SLC12A2: variants seen among roughly 807,000 people sequenced by gnomAD.
SLC12A2 encodes the protein solute carrier family 12 member 2.
A neutral mutation model predicts 136.3 loss-of-function variants in SLC12A2; 67 were observed. The observed-to-expected ratio is 0.49, with a 90% confidence interval of 0.40 to 0.60. The LOEUF is 0.60. Ranked by LOEUF, SLC12A2 falls within the 20% of genes least tolerant of loss-of-function variation. SLC12A2 has a pLI of 0.00. For synonymous variants in SLC12A2, 619 were observed against 562.9 expected (o/e 1.10, Z -1.41); for missense variants, 1,322 against 1,534.7 (o/e 0.86, Z 2.32).
intron 20 of SLC12A2, among the ~76,000 whole-genome samples, chr5:128,175,584 T>C (rs1387170189): frequency 6.6e-6 from 1 of 151,948 alleles, no homozygotes; most frequent in African/African-American, 2.4e-5. Context: ...TGAAGTTTAA[T>C]GGGAGGGTAA....
At chr5:128,109,383 G>T in intron 1 of SLC12A2, 1 of 318,814 alleles carries the variant, frequency 3.1e-6, no homozygotes, top group Non-Finnish European at 6.1e-6. Flanking sequence ...CTTTGGAGTC[G>T]CTGTGATTGG....
At position 128,174,543 on chromosome 5, in the gene SLC12A2, G is replaced by T. The variant is rs1220816445; in HGVS notation, c.2806G>T (p.Glu936Ter). Residue 936 changes from glutamate (E) to a stop codon, truncating the protein, a stop_gained and splice_region_variant, in exon 20 of 27, where the codon GAA (glutamate) becomes TAA (stop). Coordinates refer to ENST00000262461, the MANE Select transcript of SLC12A2 (RefSeq NM_001046.3). LOFTEE classifies it high-confidence loss of function. Reference protein sequence around the residue: ...LDISHLQGQEELLSSQEKSPG... With the variant: ...LDISHLQGQE The stretch of plus-strand genomic sequence containing the variant: ...TTTAAATAATTTTCTGTCTACAGAA[G>T]AATTATTGTCATCACAAGAGAAATC... 6.2e-7 allele frequency: 1 copy of T among 1,600,634 alleles called. No individual in the cohort carries two copies. Among genetic ancestry groups the T allele is most frequent in the Non-Finnish European group, 8.5e-7 (1 of 1,172,136 alleles).
chr5:128,094,647 T>C (rs1228718557), intron 1 of SLC12A2, among the ~76,000 whole-genome samples: 4 of 152,104 alleles, frequency 2.6e-5, no homozygotes, highest in Non-Finnish European at 5.9e-5. Flanking sequence ...TATGGATGTA[T>C]CTCTTCCTAG....
chr5:128,148,648 C>A, intron 11 of SLC12A2, 106 bp from the exon 12 acceptor site: 1 of 909,516 alleles, frequency 1.1e-6, no homozygotes, highest in Non-Finnish European at 1.6e-6. Flanking sequence ...AAGAGATGAC[C>A]AAGAATTAGA....
intron 22 of SLC12A2, among the ~76,000 whole-genome samples, chr5:128,180,136 ATT>A (rs1763662618): frequency 6.6e-6 from 1 of 150,808 alleles, no homozygotes. Flanking sequence ...TGCCCAGCTA[ATT>A]TTTTAGTATT....
chr5:128,177,039 C>A, intron 20 of SLC12A2, 66 bp from the exon 21 acceptor site: 1 of 993,868 alleles, frequency 1.0e-6, no homozygotes, highest in Non-Finnish European at 1.5e-6. Flanking sequence ...GCTCTGATTA[C>A]ATTTTTATTA....
intron 19 of SLC12A2, 193 bp downstream of exon 19, chr5:128,171,939 A>G (rs1022348087): frequency 1.7e-4 from 74 of 429,000 alleles, no homozygotes; most frequent in Non-Finnish European, 2.8e-4. Flanking sequence ...AACCTGGATG[A>G]TGGTTAGTGA....
intron 10 of SLC12A2, among the ~76,000 whole-genome samples, chr5:128,142,414 A>G (rs1430230223): frequency 6.6e-6 from 1 of 152,098 alleles, no homozygotes; most frequent in African/African-American, 2.4e-5. Context: ...GTTGTTCTGT[A>G]TATCCCCTAA....
At chr5:128,090,429 A>G (rs746226534) in intron 1 of SLC12A2, among the ~76,000 whole-genome samples, 1 of 152,208 alleles carries the variant, frequency 6.6e-6, no homozygotes, top group Non-Finnish European at 1.5e-5. Flanking sequence ...TGTTACATAT[A>G]TATATTTGGG....
At chr5:128,130,938 C>A in intron 4 of SLC12A2, 129 bp from the exon 5 acceptor site, 1 of 759,182 alleles carries the variant, frequency 1.3e-6, no homozygotes, top group Non-Finnish European at 2.2e-6. Flanking sequence ...CAGTCACTCA[C>A]TTGCCTCTTT....
intron 20 of SLC12A2, 108 bp downstream of exon 20, chr5:128,174,774 G>A: frequency 3.4e-6 from 3 of 879,712 alleles, no homozygotes; most frequent in South Asian, 4.7e-5. Flanking sequence ...TCTCAAACTT[G>A]TACTGGTCAT....
At chr5:128,130,298 TG>T (rs1250426092) in intron 4 of SLC12A2, among the ~76,000 whole-genome samples, 2 of 151,954 alleles carry the variant, frequency 1.3e-5, no homozygotes, top group Non-Finnish European at 2.9e-5. Flanking sequence ...TTTGGGAAGC[TG>T]AGGTCAGGAG....
In SLC12A2 at chr5:128,084,698, C is replaced by A. The variant is rs368335273; in HGVS notation, c.744C>A (p.Asp248Glu). The A allele has an allele frequency of 3.1e-6, 5 of 1,598,454 alleles. No homozygotes were observed. The highest frequency in any genetic ancestry group is 1.3e-5 in the African/African-American group (1 of 74,738). The change falls in exon 1 of 27, where the codon GAC becomes GAA. Residue 248 changes from aspartate (D) to glutamate (E), a missense_variant. Asp to Glu is a conservative substitution (Grantham distance 45). Coordinates refer to ENST00000262461, the MANE Select transcript of SLC12A2 (RefSeq NM_001046.3). This position sits in a 1 kb window ranked among gnomAD's most constrained non-coding sequence, Gnocchi z 5.6. ...LLRPSLAELH[D>E]ELEKEPFEDG... is the part of the protein sequence containing the mutation. ...GGCCTAGCCTGGCGGAGCTCCACGA[C>A]GAGCTGGAAAAGGTGAGCTCGCCCA... is the stretch of plus-strand genomic sequence containing the variant.
intron 4 of SLC12A2, 78 bp downstream of exon 4, chr5:128,114,759 TTTTAC>T (rs1761285278): frequency 2.1e-6 from 2 of 935,236 alleles, no homozygotes; most frequent in Non-Finnish European, 3.3e-6. Context: ...TTTAATTATT[TTTTAC>T]TTTAACTGAA....
chr5:128,103,307 C>T (rs750338297), intron 1 of SLC12A2, among the ~76,000 whole-genome samples: 11 of 152,160 alleles, frequency 7.2e-5, no homozygotes, highest in Non-Finnish European at 1.2e-4. Flanking sequence ...TCGCATATGT[C>T]GGAACTGAGG....
intron 7 of SLC12A2, among the ~76,000 whole-genome samples, chr5:128,137,233 AT>A (rs1208047796): frequency 1.3e-5 from 2 of 152,126 alleles, no homozygotes; most frequent in Non-Finnish European, 2.9e-5. Flanking sequence ...GGTCACTCCA[AT>A]TTCATTTAAT....
At chr5:128,122,322 C>G (rs915013811) in intron 4 of SLC12A2, among the ~76,000 whole-genome samples, 1 of 152,158 alleles carries the variant, frequency 6.6e-6, no homozygotes, top group Admixed American at 6.5e-5. Context: ...CATTTTGTGA[C>G]AGACACTGGG....
In SLC12A2 at chr5:128,134,222, A is replaced by G; in HGVS notation, c.1246A>G (p.Thr416Ala). Residue 416 changes from threonine to alanine, a missense_variant, in exon 6 of 27, where the codon ACA becomes GCA. By Grantham distance (58) the Thr-to-Ala change is moderately conservative (BLOSUM62 0). Around this residue, in one of 8 missense-constraint regions of SLC12A2, gnomAD observed 110 missense variants for 114.5 expected, o/e 0.96. Transcript: ENST00000262461. The stretch of plus-strand genomic sequence containing the variant: ...TGATATCCGAATTATTGGAGCCATT[A>G]CAGTCGTGATTCTTTTAGGTATCTC... ...INDIRIIGAI[T>A]VVILLGISVA... The G allele has an allele frequency of 6.2e-7, 1 of 1,608,766 alleles. No homozygotes were observed. The highest frequency in any genetic ancestry group is 8.5e-7 in the Non-Finnish European group (1 of 1,175,456).
rs111972674 is a variant in SLC12A2, at chr5:128,180,146, AT to A, written c.3101-732del. Among the ~76,000 whole-genome samples the A allele has an allele frequency of 3.0e-3, 445 of 150,200 alleles. 1 individual carries two copies. The highest frequency in any genetic ancestry group is 0.01 in the African/African-American group (418 of 40,982). ...CACCATGCCCAGCTAATTTTTTAGT[AT>A]TTTTAGTAGAGATGGGGTTTCATCG... is the stretch of plus-strand genomic sequence containing the variant. On this transcript the variant is annotated intron_variant, in intron 22 of 26. Transcript: ENST00000262461.
Sources: gnomAD v4.1 joint callset for allele counts (sites outside exome capture counted in the v4.1 genomes callset) on GRCh38, gnomAD v4.1.1 for gene constraint, gnomAD v4.1.1 regional missense constraint, Gnocchi (gnomAD v3.1) non-coding constraint, MANE v1.5 for transcripts, NCBI Gene and HGNC (gene_info 2026-07-23, HGNC 2026-07-21) for gene names.